RAD51B: variants seen among roughly 807,000 people sequenced by gnomAD.
RAD51B encodes the protein DNA repair protein RAD51 homolog 2.
Under a neutral mutation model 42.2 loss-of-function variants are expected in RAD51B, and 38 were observed. The observed-to-expected ratio is 0.90, with a 90% confidence interval of 0.70 to 1.18. The LOEUF (loss-of-function observed/expected upper bound fraction) is 1.18, where lower values mean the gene tolerates loss of function less well. Among genes scored for constraint, RAD51B ranks in the 50% most tolerant of loss-of-function variants. The probability of loss-of-function intolerance (pLI) is 0.00; values close to 1 mark genes in which losing one functional copy is unlikely to be tolerated. For synonymous variants in RAD51B, 154 were observed against 145.2 expected (o/e 1.06, Z -0.43); for missense variants, 373 against 400.7 (o/e 0.93, Z 0.59).
intron 7 of RAD51B, among the ~76,000 whole-genome samples, chr14:68,272,777 C>A (rs1199713766): frequency 7.1e-6 from 1 of 140,390 alleles, no homozygotes; most frequent in Non-Finnish European, 1.5e-5. Flanking sequence ...GCTCTGCCCC[C>A]GGGTTCACAC....
intron 7 of RAD51B, among the ~76,000 whole-genome samples, chr14:68,201,618 A>G (rs1451415039): frequency 2.6e-5 from 4 of 152,190 alleles, no homozygotes; most frequent in South Asian, 2.1e-4. Context: ...TGTTTCTCCT[A>G]CCTGTCAAGC....
chr14:68,362,188 G>T (rs2083039452), intron 8 of RAD51B, among the ~76,000 whole-genome samples: 1 of 152,158 alleles, frequency 6.6e-6, no homozygotes, highest in African/African-American at 2.4e-5. Flanking sequence ...GACCTCTAGT[G>T]CCTAACACAT....
rs575251283 is a variant in RAD51B at position 68,222,093 on chromosome 14, A to G, written c.757-69791A>G. ...GGAACACTTTTACACTGTTGGTTGG[A>G]ATGTAAAATAGTGCAACCACTAGGG... is the stretch of plus-strand genomic sequence containing the variant. On this transcript the variant is annotated intron_variant, in intron 7 of 10. Coordinates refer to ENST00000471583, the MANE Select transcript of RAD51B (RefSeq NM_133510.4). Among the ~76,000 whole-genome samples the G allele has an allele frequency of 2.6e-5, 4 of 152,372 alleles. No individual in the cohort carries two copies. In the East Asian group the frequency reaches 5.8e-4, roughly 22 times the overall value.
At chr14:68,331,648 C>T (rs1285691408) in intron 8 of RAD51B, among the ~76,000 whole-genome samples, 3 of 152,206 alleles carry the variant, frequency 2.0e-5, no homozygotes, top group Non-Finnish European at 4.4e-5. Flanking sequence ...AGACAGATTC[C>T]GCATGTTCTG....
At chr14:68,107,356 A>G (rs2077392131) in intron 7 of RAD51B, among the ~76,000 whole-genome samples, 1 of 151,888 alleles carries the variant, frequency 6.6e-6, no homozygotes, top group African/African-American at 2.4e-5. Context: ...AGAAGCCTAA[A>G]TAAATGGAAA....
chr14:67,840,264 T>A (rs1345780852), intron 4 of RAD51B, among the ~76,000 whole-genome samples: 2 of 152,148 alleles, frequency 1.3e-5, no homozygotes, highest in African/African-American at 4.8e-5. Context: ...GTAGTTTTTT[T>A]AGCCTTTTTC....
In RAD51B at chr14:68,004,353, A is replaced by AAT. The variant is rs760549843; in HGVS notation, c.756+117150_756+117151insTA. On this transcript the variant is annotated intron_variant, in intron 7 of 10. Coordinates refer to ENST00000471583, the MANE Select transcript of RAD51B (RefSeq NM_133510.4). Reference sequence around the variant, plus strand: ...GTCTCAAAAAAAAAAAAAAAAAAAAAAAGAATATATTGGTGGATTTTTTTG... The same window carrying AAT: ...GTCTCAAAAAAAAAAAAAAAAAAAAAATAAGAATATATTGGTGGATTTTTTTG... Among the ~76,000 whole-genome samples the AAT allele has an allele frequency of 5.7e-4, 83 of 146,728 alleles. 2 individuals carry two copies. Among genetic ancestry groups the AAT allele is most frequent in the African/African-American group, 1.5e-3 (58 of 38,478 alleles).
intron 9 of RAD51B, among the ~76,000 whole-genome samples, chr14:68,459,949 G>A (rs2140211199): frequency 6.6e-6 from 1 of 152,344 alleles, no homozygotes; most frequent in South Asian, 2.1e-4. Context: ...ATAGAAGAGA[G>A]GAAGAATTCA....
intron 7 of RAD51B, among the ~76,000 whole-genome samples, chr14:68,245,148 C>G (rs2080469170): frequency 6.6e-6 from 1 of 152,178 alleles, no homozygotes; most frequent in Non-Finnish European, 1.5e-5. Flanking sequence ...ATATTGTGAT[C>G]TAGAGGAGGC....
chr14:68,069,744 A>G (rs1039106001), intron 7 of RAD51B: 5 of 152,158 alleles, frequency 3.3e-5, no homozygotes, highest in African/African-American at 9.7e-5. Flanking sequence ...TGTGATGAAC[A>G]TATGCATGCA....
intron 7 of RAD51B, among the ~76,000 whole-genome samples, chr14:68,074,142 TTC>T (rs1228411023): frequency 6.6e-6 from 1 of 152,200 alleles, no homozygotes; most frequent in African/African-American, 2.4e-5. Context: ...TGCTCTCTCT[TTC>T]TCTCTTTCAG....
chr14:68,547,422 G>A (rs1034032975), intron 10 of RAD51B, among the ~76,000 whole-genome samples: 23 of 152,152 alleles, frequency 1.5e-4, no homozygotes, highest in Admixed American at 8.5e-4. Flanking sequence ...ACATTTTGGG[G>A]AAATGAAATG....
intron 9 of RAD51B, among the ~76,000 whole-genome samples, chr14:68,439,744 T>C (rs995311908): frequency 2.0e-5 from 3 of 152,220 alleles, no homozygotes; most frequent in East Asian, 1.9e-4. Context: ...TCCAAAACTT[T>C]CCAGATGTAT....
chr14:67,987,069 C>T (rs919947483), intron 7 of RAD51B, among the ~76,000 whole-genome samples: 5 of 152,036 alleles, frequency 3.3e-5, no homozygotes, highest in South Asian at 4.2e-4. Flanking sequence ...GGTACATAGT[C>T]AGTGTATATA....
chr14:68,540,671 G>A, intron 10 of RAD51B: 1 of 985,398 alleles, frequency 1.0e-6, no homozygotes. Context: ...CACACAAGGG[G>A]ACCCTAATTG....
At chr14:68,442,387 C>T (rs1256547043) in intron 9 of RAD51B, among the ~76,000 whole-genome samples, 1 of 148,110 alleles carries the variant, frequency 6.8e-6, no homozygotes, top group African/African-American at 2.5e-5. Flanking sequence ...CTGAAACTAC[C>T]TTAACAAATC....
intron 7 of RAD51B, among the ~76,000 whole-genome samples, chr14:68,102,746 G>T (rs1166206683): frequency 6.6e-6 from 1 of 152,074 alleles, no homozygotes; most frequent in African/African-American, 2.4e-5. Flanking sequence ...CACTTCCAAA[G>T]TTGCTTCCAC....
intron 7 of RAD51B, among the ~76,000 whole-genome samples, chr14:67,999,663 A>G (rs970215493): frequency 6.6e-6 from 1 of 152,244 alleles, no homozygotes; most frequent in Admixed American, 6.5e-5. Context: ...ACTTCTGAGA[A>G]GGTTAAATTA....
chr14:68,258,444 C>T (rs1314865296), intron 7 of RAD51B, among the ~76,000 whole-genome samples: 2 of 148,438 alleles, frequency 1.3e-5, no homozygotes, highest in African/African-American at 5.2e-5. Flanking sequence ...CTCTCTCTCT[C>T]ACACACACAC....
Sources: gnomAD v4.1 joint callset for allele counts (sites outside exome capture counted in the v4.1 genomes callset) on GRCh38, gnomAD v4.1.1 for gene constraint, MANE v1.5 for transcripts, NCBI Gene and HGNC (gene_info 2026-07-23, HGNC 2026-07-21) for gene names.